TOMM40: variants seen among roughly 807,000 people sequenced by gnomAD.
TOMM40 encodes translocase of outer mitochondrial membrane 40, also known as mitochondrial import receptor subunit TOM40 homolog.
Under a neutral mutation model 38.4 loss-of-function variants are expected in TOMM40, and 9 were observed. That is an observed-to-expected ratio of 0.23 (90% CI 0.14 to 0.41). The LOEUF is 0.41. TOMM40 is among the 10% of genes least tolerant of loss of function. The pLI, the probability that TOMM40 is intolerant of heterozygous loss-of-function variation, is 1.00. For synonymous variants in TOMM40, 184 were observed against 210.0 expected (o/e 0.88, Z 1.07); for missense variants, 299 against 486.5 (o/e 0.61, Z 3.63).
chr19:44,893,750 C>G (rs745829623), intron 3 of TOMM40, 30 bp from the exon 4 acceptor site: 44 of 1,599,044 alleles, frequency 2.8e-5, no homozygotes, highest in Non-Finnish European at 3.7e-5. Flanking sequence ...TGCACCACCT[C>G]TGACCCCTTC....
At chr19:44,892,338 A>G (rs2122739104) in intron 1 of TOMM40, 55 bp from the exon 2 acceptor site, 1 of 1,537,144 alleles carries the variant, frequency 6.5e-7, no homozygotes, top group Non-Finnish European at 9.0e-7. Context: ...GGGAAGGAAG[A>G]GATGAGAGTT....
intron 3 of TOMM40, among the ~76,000 whole-genome samples, chr19:44,893,271 G>A (rs1291740603): frequency 6.6e-6 from 1 of 152,162 alleles, no homozygotes; most frequent in African/African-American, 2.4e-5. Context: ...CTAGGGGGTT[G>A]TGGAGAGTCA....
chr19:44,895,743 C>T (rs1298839487), intron 5 of TOMM40, among the ~76,000 whole-genome samples: 1 of 152,032 alleles, frequency 6.6e-6, no homozygotes, highest in Non-Finnish European at 1.5e-5. Flanking sequence ...GACAGGTTTT[C>T]GCCATGTCGG....
At chr19:44,894,899 C>T (rs1464585850) in intron 5 of TOMM40, among the ~76,000 whole-genome samples, 6 of 152,160 alleles carry the variant, frequency 3.9e-5, no homozygotes, top group South Asian at 4.2e-4. Flanking sequence ...CTGCAGCTGG[C>T]GTAGAGAGCA....
At position 44,903,101 on chromosome 19, in the gene TOMM40, G is replaced by T; in HGVS notation, c.1018G>T (p.Ala340Ser). The T allele has an allele frequency of 1.9e-6, 3 of 1,612,554 alleles. No homozygotes were observed. The highest frequency in any genetic ancestry group is 1.7e-6 in the Non-Finnish European group (2 of 1,179,974). Residue 340 changes from alanine to serine, a missense_variant, in exon 9 of 9, where the codon GCC becomes TCC. Physicochemically the swap from Ala to Ser is moderately conservative, Grantham distance 99 (BLOSUM62 1). Transcript: ENST00000426677. ...KKLPPLPLTL[A>S]LGAFLNHRKN... ...GCTCCCACCCCTGCCCCTGACACTG[G>T]CCCTTGGGGCCTTCCTGAATCACCG...
At chr19:44,891,909 T>G (rs551815912) in intron 1 of TOMM40, among the ~76,000 whole-genome samples, 10 of 152,256 alleles carry the variant, frequency 6.6e-5, no homozygotes, top group Admixed American at 6.5e-4. Flanking sequence ...GAGAAAAGCC[T>G]TTAGGGACCT....
At chr19:44,894,179 G>A (rs1289980135) in intron 5 of TOMM40, 113 bp downstream of exon 5, 1 of 761,706 alleles carries the variant, frequency 1.3e-6, no homozygotes, top group African/African-American at 1.8e-5. Context: ...GGCTCAGCAG[G>A]AGTGATTTTG....
chr19:44,900,252 G>A (rs1320789653), intron 5 of TOMM40, among the ~76,000 whole-genome samples: 1 of 152,162 alleles, frequency 6.6e-6, no homozygotes, highest in Admixed American at 6.5e-5. Context: ...GATGATGCCA[G>A]CGTCCATGGT....
rs185512400 is a variant in TOMM40, at chr19:44,893,261, C to G, written c.435+332C>G. Reference sequence around the variant, plus strand: ...TGCCAGACTAGGCTTTGGACTTTCTCTAGGGGGTTGTGGAGAGTCATGGCA... The same window carrying G: ...TGCCAGACTAGGCTTTGGACTTTCTGTAGGGGGTTGTGGAGAGTCATGGCA... On this transcript the variant is annotated intron_variant, in intron 3 of 8. Coordinates refer to ENST00000426677, the MANE Select transcript of TOMM40 (RefSeq NM_001128917.2). 2.4e-4 allele frequency among the ~76,000 whole-genome samples: 37 copies of G among 152,204 alleles called. No homozygotes were observed. In the East Asian group the frequency reaches 3.9e-3, roughly 16 times the overall value.
Position 44,892,865 on chromosome 19 carries a change from T to C in TOMM40, c.371T>C (p.Ile124Thr). Residue 124 changes from isoleucine (I) to threonine (T), a missense_variant, in exon 3 of 9, where the codon ATC becomes ACC. Physicochemically the swap from Ile to Thr is moderately conservative, Grantham distance 89 (BLOSUM62 -1). Transcript: ENST00000426677. ...QVNHTVALST[I>T]GESNYHFGVT... ...AACCACACAGTAGCCCTCAGCACAA[T>C]CGGGGAGTCCAACTACCACTTCGGG... 1 of 1,613,846 alleles carries C rather than the reference T, an allele frequency of 6.2e-7. No homozygotes were observed. The highest frequency in any genetic ancestry group is 8.5e-7 in the Non-Finnish European group (1 of 1,179,860).
chr19:44,903,232 C>T lies in TOMM40; in HGVS notation c.*63C>T. The T allele has an allele frequency of 6.6e-7, 1 of 1,518,408 alleles. No individual in the cohort carries two copies. The allele number at this position is 1,518,408 out of a possible 1,614,324, so 94.1% of individuals were successfully genotyped here. A position where few individuals can be genotyped will look rare whatever the true frequency, so the allele number is the denominator to read the frequency against. ...CACCTCCACCTCCACCTCCCCCTGC[C>T]ACAGAGGGGAGACCTGAGCCCCCCT... On this transcript the variant is annotated 3_prime_UTR_variant, in exon 9 of 9. Coordinates refer to ENST00000426677, the MANE Select transcript of TOMM40 (RefSeq NM_001128917.2).
At chr19:44,896,926 T>C (rs532091167) in intron 5 of TOMM40, among the ~76,000 whole-genome samples, 1 of 152,294 alleles carries the variant, frequency 6.6e-6, no homozygotes, top group South Asian at 2.1e-4. Flanking sequence ...TGGTGGTACA[T>C]GCCTGTAGTC....
intron 3 of TOMM40, among the ~76,000 whole-genome samples, chr19:44,893,266 G>A (rs1969502653): frequency 6.6e-6 from 1 of 152,136 alleles, no homozygotes; most frequent in African/African-American, 2.4e-5. Flanking sequence ...TTTCTCTAGG[G>A]GGTTGTGGAG....
intron 8 of TOMM40, chr19:44,902,483 A>G (rs377098686): frequency 2.3e-4 from 35 of 152,468 alleles, no homozygotes; most frequent in African/African-American, 7.9e-4. Context: ...GGTGTGAGCC[A>G]CCACACCCAG....
At chr19:44,896,940 A>C (rs1490170002) in intron 5 of TOMM40, among the ~76,000 whole-genome samples, 1 of 152,162 alleles carries the variant, frequency 6.6e-6, no homozygotes, top group East Asian at 1.9e-4. Flanking sequence ...TGTAGTCCCA[A>C]CTACTGGGGA....
Position 44,892,926 on chromosome 19 carries a change from A to G in TOMM40, c.432A>G (p.Thr144=), listed in dbSNP as rs374622148. ...TYVGTKQLSP[T]EAFPVLVGDM... ...TGGGGACAAAGCAGCTGAGTCCCACAGAGGTGAGCTTCCTTTTTCATCCAT... is the reference window on the plus strand; with the variant it reads ...TGGGGACAAAGCAGCTGAGTCCCACGGAGGTGAGCTTCCTTTTTCATCCAT... The change falls in exon 3 of 9, where the codon ACA becomes ACG. Residue 144 remains threonine, a synonymous_variant. Transcript: ENST00000426677. 41 of 1,612,078 alleles carry G rather than the reference A, an allele frequency of 2.5e-5. No homozygotes were observed. The African/African-American group carries it at 4.3e-4, about 17-fold the overall frequency.
Position 44,891,254 on chromosome 19 carries a change from C to T in TOMM40, c.-162C>T, listed in dbSNP as rs954368773. 9 of 1,061,502 alleles carry T rather than the reference C, an allele frequency of 8.5e-6. No homozygotes were observed. The East Asian group carries it at 2.5e-4, about 30-fold the overall frequency. 65.8% of individuals were successfully genotyped at this position (1,061,502 alleles called of 1,614,324 possible). On this transcript the variant is annotated 5_prime_UTR_variant, in exon 1 of 9. Coordinates refer to ENST00000426677, the MANE Select transcript of TOMM40 (RefSeq NM_001128917.2). ...GTGGTGGCGGCGGCGGCAGCGGGTT[C>T]GGTTGCGCGTGGCGCACGGGGTGGG...
chr19:44,901,464 C>T (rs116977783), intron 8 of TOMM40, 154 bp downstream of exon 8: 17,994 of 1,468,770 alleles, frequency 0.012, 403 homozygotes, highest in Admixed American at 0.11. Flanking sequence ...TAGGTGGGGC[C>T]GGGTGCGGTG....
chr19:44,903,337 C>T lies in TOMM40; in HGVS notation c.*168C>T. 1 of 697,386 alleles carries T rather than the reference C, an allele frequency of 1.4e-6. No homozygotes were observed. Among genetic ancestry groups the T allele is most frequent in the Non-Finnish European group, 2.3e-6 (1 of 441,356 alleles). 43.2% of individuals were successfully genotyped at this position (697,386 alleles called of 1,614,324 possible). A position where few individuals can be genotyped will look rare whatever the true frequency, so the allele number is the denominator to read the frequency against. On this transcript the variant is annotated 3_prime_UTR_variant, in exon 9 of 9. Coordinates refer to ENST00000426677, the MANE Select transcript of TOMM40 (RefSeq NM_001128917.2). The stretch of plus-strand genomic sequence containing the variant: ...CACCCCAGCAGCTGAGGAGGGGATT[C>T]TGGAACTGAATGGCGCTTCGGGATT...
Sources: allele counts gnomAD v4.1 joint callset (sites outside exome capture counted in the v4.1 genomes callset), GRCh38; gene constraint gnomAD v4.1.1; transcripts MANE v1.5; gene names NCBI Gene and HGNC (gene_info 2026-07-23, HGNC 2026-07-21).